Variants in ZIM2 observed in about 807,000 individuals in gnomAD.
ZIM2 encodes the protein zinc finger protein 656.
Under a neutral mutation model 38.6 loss-of-function variants are expected in ZIM2, and 14 were observed. The ratio of observed to expected loss-of-function variants is 0.36; its 90% confidence interval spans 0.24 to 0.57. The LOEUF (loss-of-function observed/expected upper bound fraction) is 0.57, where lower values mean the gene tolerates loss of function less well. ZIM2 is among the 20% of genes least tolerant of loss of function. The pLI is 0.81. For synonymous variants in ZIM2, 247 were observed against 245.8 expected (o/e 1.00, Z -0.04); for missense variants, 680 against 695.1 (o/e 0.98, Z 0.24).
At chr19:56,796,442 T>C (rs1600776964) in intron 9 of ZIM2, among the ~76,000 whole-genome samples, 1 of 152,322 alleles carries the variant, frequency 6.6e-6, no homozygotes, top group East Asian at 1.9e-4. Context: ...TCTCACTCTG[T>C]CACCCAGGCT....
intron 9 of ZIM2, chr19:56,812,353 TAAC>T (rs904878067): frequency 1.0e-6 from 1 of 983,666 alleles, no homozygotes. Flanking sequence ...GAACAGATGT[TAAC>T]AAAACAAATT....
At chr19:56,838,924 C>T (rs2062573566) in intron 1 of ZIM2, among the ~76,000 whole-genome samples, 1 of 152,016 alleles carries the variant, frequency 6.6e-6, no homozygotes, top group African/African-American at 2.4e-5. Context: ...CCCAGGTGGG[C>T]GGGGCTTGAA....
In ZIM2 at chr19:56,836,023, C is replaced by A. The variant is rs772909145; in HGVS notation, c.-232G>T. 1 of 512,130 alleles carries A rather than the reference C, an allele frequency of 2.0e-6. No individual in the cohort carries two copies. The highest frequency in any genetic ancestry group is 3.9e-6 in the Non-Finnish European group (1 of 256,850). 31.7% of individuals were successfully genotyped at this position (512,130 alleles called of 1,614,324 possible). On this transcript the variant is annotated 5_prime_UTR_variant, in exon 2 of 13. Transcript: ENST00000629319. ...GAGGAGGAAATTCAACTCACCTGGA[C>A]CCAGCCACCTAGCGTTTGGACCTAG...
At chr19:56,812,836 A>G in intron 9 of ZIM2, 1 of 976,492 alleles carries the variant, frequency 1.0e-6, no homozygotes, top group Non-Finnish European at 1.2e-6. Context: ...AAAAAAACCC[A>G]GAACACAAAT....
intron 10 of ZIM2, among the ~76,000 whole-genome samples, chr19:56,789,284 G>A (rs2046800549): frequency 6.6e-6 from 1 of 152,142 alleles, no homozygotes; most frequent in Non-Finnish European, 1.5e-5. Context: ...AATTTAATTT[G>A]GATGTTGTGT....
intron 11 of ZIM2, among the ~76,000 whole-genome samples, chr19:56,780,314 C>A (rs1167717607): frequency 6.7e-6 from 1 of 148,182 alleles, no homozygotes; most frequent in African/African-American, 2.5e-5. Flanking sequence ...ACGATCTTGG[C>A]TTACTGCAGC....
intron 10 of ZIM2, among the ~76,000 whole-genome samples, chr19:56,789,638 AAAGT>A (rs1663808946): frequency 6.6e-6 from 1 of 152,232 alleles, no homozygotes; most frequent in African/African-American, 2.4e-5. Flanking sequence ...ACAACAGAGA[AAAGT>A]AAAGCACGGA....
chr19:56,840,549 G>A (rs913494453), intron 1 of ZIM2, 33 bp downstream of exon 1: 8 of 152,460 alleles, frequency 5.2e-5, no homozygotes, highest in African/African-American at 1.9e-4. Flanking sequence ...CCCGCGGGCA[G>A]GAGGCGCGCG....
At chr19:56,815,636 G>C (rs777281592) in intron 9 of ZIM2, 2 of 1,614,006 alleles carry the variant, frequency 1.2e-6, no homozygotes, top group East Asian at 2.2e-5. Flanking sequence ...TTTTTAGCAC[G>C]AGCCTTCTGG....
At chr19:56,791,022 T>C (rs542709491) in intron 9 of ZIM2, 1 of 152,318 alleles carries the variant, frequency 6.6e-6, no homozygotes, top group East Asian at 1.9e-4. Flanking sequence ...GGTAAACCCT[T>C]CATTAATCTG....
chr19:56,813,396 G>A lies in ZIM2; in HGVS notation c.490+4350C>T, dbSNP rs891319223. On this transcript the variant is annotated intron_variant, in intron 9 of 12. Coordinates refer to ENST00000629319, the MANE Select transcript of ZIM2 (RefSeq NM_001387356.1). ...TGATTTGGGCAAACTCTGTAGTCTG[G>A]AATACTCATAGGGTTTTCTCAATCT... is the stretch of plus-strand genomic sequence containing the variant. The A allele has an allele frequency of 2.0e-5, 25 of 1,229,000 alleles. No individual in the cohort carries two copies. In the African/African-American group the frequency reaches 3.3e-4, roughly 16 times the overall value. 76.1% of individuals were successfully genotyped at this position (1,229,000 alleles called of 1,614,324 possible). A position where few individuals can be genotyped will look rare whatever the true frequency, so the allele number is the denominator to read the frequency against.
chr19:56,793,110 C>T (rs2047026066), intron 9 of ZIM2: 1 of 152,648 alleles, frequency 6.6e-6, no homozygotes, highest in South Asian at 2.1e-4. Context: ...GCAGGGTGCT[C>T]AGAAACTGTG....
chr19:56,815,919 G>T, intron 9 of ZIM2: 1 of 1,610,046 alleles, frequency 6.2e-7, no homozygotes. Context: ...TTGGAGGTTT[G>T]GAAGCCACTA....
chr19:56,782,502 A>T, intron 10 of ZIM2: 1 of 452,472 alleles, frequency 2.2e-6, no homozygotes, highest in Non-Finnish European at 4.4e-6. Context: ...AACATGAAGA[A>T]ATATTCAATC....
At chr19:56,835,161 C>T (rs2061962887) in intron 2 of ZIM2, among the ~76,000 whole-genome samples, 1 of 152,146 alleles carries the variant, frequency 6.6e-6, no homozygotes, top group Non-Finnish European at 1.5e-5. Context: ...GGTCTCCCCA[C>T]ACCCACTGCG....
chr19:56,834,742 C>T (rs760600493), intron 2 of ZIM2, among the ~76,000 whole-genome samples: 4 of 152,140 alleles, frequency 2.6e-5, no homozygotes, highest in Non-Finnish European at 5.9e-5. Flanking sequence ...CCCAAGGGCT[C>T]ACCTGGTCAT....
chr19:56,824,562 C>A, intron 3 of ZIM2, 135 bp from the exon 4 acceptor site: 18 of 1,614,156 alleles, frequency 1.1e-5, no homozygotes, highest in Non-Finnish European at 1.5e-5. Flanking sequence ...ATGATGACAT[C>A]CGGCTCCTTA....
At position 56,774,971 on chromosome 19, in the gene ZIM2, T is replaced by C; in HGVS notation, c.1394A>G (p.His465Arg). The C allele has an allele frequency of 5.0e-6, 8 of 1,614,222 alleles. No individual in the cohort carries two copies. The highest frequency in any genetic ancestry group is 6.8e-6 in the Non-Finnish European group (8 of 1,180,030). Residue 465 changes from histidine (H) to arginine (R), a missense_variant, in exon 13 of 13, where the codon CAT (histidine) becomes CGT (arginine). Coordinates refer to ENST00000629319, the MANE Select transcript of ZIM2 (RefSeq NM_001387356.1). The part of the protein sequence containing the change: ...NVHLLQHLKA[H>R]EAARVLPPGL... Reference sequence around the variant, plus strand: ...AGGAGGAAGGACTCTTGCTGCCTCATGGGCTTTGAGATGTTGAAGAAGATG... The same window carrying C: ...AGGAGGAAGGACTCTTGCTGCCTCACGGGCTTTGAGATGTTGAAGAAGATG...
In ZIM2 at chr19:56,789,932, A is replaced by T; in HGVS notation, c.510T>A (p.Ser170=). ...STSRGFLAQD[S]VPAEKRNTEM... is the part of the protein sequence containing the mutation. Reference sequence around the variant, plus strand: ...CTGTGTTCCTCTTTTCTGCAGGGACAGAGTCCTGAGCAAGGAAACCTAGAA... The same window carrying T: ...CTGTGTTCCTCTTTTCTGCAGGGACTGAGTCCTGAGCAAGGAAACCTAGAA... The change falls in exon 10 of 13, where the codon TCT becomes TCA. Residue 170 remains serine (S), a synonymous_variant. Coordinates refer to ENST00000629319, the MANE Select transcript of ZIM2 (RefSeq NM_001387356.1). 1 of 1,574,892 alleles carries T rather than the reference A, an allele frequency of 6.3e-7. No homozygotes were observed.
Sources: allele counts gnomAD v4.1 joint callset (sites outside exome capture counted in the v4.1 genomes callset), GRCh38; gene constraint gnomAD v4.1.1; transcripts MANE v1.5; gene names NCBI Gene and HGNC (gene_info 2026-07-23, HGNC 2026-07-21).